TSPAN9: variants seen among roughly 807,000 people sequenced by gnomAD.
The protein encoded by TSPAN9 is tetraspanin 9.
In TSPAN9, 16 loss-of-function variants were observed where a neutral mutation model predicts 31.0. The ratio of observed to expected loss-of-function variants is 0.52; its 90% CI spans 0.35 to 0.78. The LOEUF is 0.78. TSPAN9 is among the 30% of genes least tolerant of loss of function. The probability of loss-of-function intolerance (pLI) is 0.01; values close to 1 mark genes in which losing one functional copy is unlikely to be tolerated. For synonymous variants in TSPAN9, 145 were observed against 121.6 expected, an observed-to-expected ratio of 1.19 and a Z score of -1.27; for missense variants, 272 against 312.5, an observed-to-expected ratio of 0.87 and a Z score of 0.98.
intron 2 of TSPAN9, among the ~76,000 whole-genome samples, chr12:3,105,079 G>A (rs542048157): frequency 6.6e-6 from 1 of 152,328 alleles, no homozygotes; most frequent in South Asian, 2.1e-4. Flanking sequence ...ATGAGGGGAG[G>A]CTGCCTGGGG....
intron 2 of TSPAN9, among the ~76,000 whole-genome samples, chr12:3,153,021 G>A (rs868280989): frequency 1.3e-4 from 20 of 152,252 alleles, no homozygotes; most frequent in Admixed American, 2.0e-4. Flanking sequence ...CAGTGCGAAC[G>A]CTGAGCTTCC....
intron 3 of TSPAN9, among the ~76,000 whole-genome samples, chr12:3,237,632 C>T (rs531975084): frequency 9.2e-5 from 14 of 152,320 alleles, no homozygotes; most frequent in African/African-American, 2.9e-4. Flanking sequence ...CCTGCCCTCC[C>T]GGTTGGGCTG....
rs143713260 is a variant in TSPAN9 at position 3,188,120 on chromosome 12, C to A, written c.-17-13057C>A. Among the ~76,000 whole-genome samples, 16 of 152,204 alleles carry A rather than the reference C, an allele frequency of 1.1e-4. No homozygotes were observed. In the East Asian group the frequency reaches 3.1e-3, roughly 29 times the overall value. ...TGTGGTGTGTGGGGGTGAAAGGTTC[C>A]AAAGACAAGTGCCTCCCACTTGATA... On this transcript the variant is annotated intron_variant, in intron 2 of 8. Transcript: ENST00000011898.
At chr12:3,274,027 C>A (rs756662541) in intron 3 of TSPAN9, among the ~76,000 whole-genome samples, 14 of 151,940 alleles carry the variant, frequency 9.2e-5, no homozygotes, top group Non-Finnish European at 1.6e-4. Flanking sequence ...GGGTGCCTGG[C>A]GTGGGGGGAT....
intron 2 of TSPAN9, chr12:3,150,004 G>A (rs1213166868): frequency 6.6e-6 from 1 of 152,310 alleles, no homozygotes; most frequent in Non-Finnish European, 1.5e-5. Flanking sequence ...GAACGCCCAT[G>A]GCGTGCCAGA....
intron 3 of TSPAN9, among the ~76,000 whole-genome samples, chr12:3,245,199 G>C (rs1022798548): frequency 1.3e-5 from 2 of 152,210 alleles, no homozygotes; most frequent in Admixed American, 6.5e-5. Flanking sequence ...ATCCAAGCGA[G>C]TGAGCAGGTG....
At chr12:3,264,598 C>T (rs1024438520) in intron 3 of TSPAN9, among the ~76,000 whole-genome samples, 4 of 152,166 alleles carry the variant, frequency 2.6e-5, no homozygotes, top group African/African-American at 7.2e-5. Flanking sequence ...CTCTGTGTGC[C>T]GGCTGGGGCC....
intron 3 of TSPAN9, among the ~76,000 whole-genome samples, chr12:3,246,577 C>T (rs61907356): frequency 0.036 from 5,481 of 152,248 alleles, 129 homozygotes; most frequent in Middle Eastern, 0.088. Context: ...CGAGCCCATT[C>T]CTCCCTCAGT....
chr12:3,179,889 C>G (rs2098357794), intron 2 of TSPAN9, among the ~76,000 whole-genome samples: 1 of 152,212 alleles, frequency 6.6e-6, no homozygotes, highest in Admixed American at 6.5e-5. Context: ...CGTCTCTTCT[C>G]ACGGTACACG....
Position 3,187,295 on chromosome 12 carries a change from G to A in TSPAN9, c.-17-13882G>A, listed in dbSNP as rs930841260. The stretch of plus-strand genomic sequence containing the variant: ...GGCAGGGCTTGTCCTTTGGTGTTGT[G>A]ATGTGGGGCGTCTCTGCTTTTCCTA... On this transcript the variant is annotated intron_variant, in intron 2 of 8. Transcript: ENST00000011898. The surrounding 1 kb of genome is among the most constrained non-coding windows in gnomAD (Gnocchi z 5.2). Among the ~76,000 whole-genome samples the A allele has an allele frequency of 6.6e-6, 1 of 152,178 alleles. No individual in the cohort carries two copies. The highest frequency in any genetic ancestry group is 1.5e-5 in the Non-Finnish European group (1 of 68,036).
chr12:3,175,524 G>A (rs1325006208), intron 2 of TSPAN9, among the ~76,000 whole-genome samples: 1 of 152,196 alleles, frequency 6.6e-6, no homozygotes, highest in African/African-American at 2.4e-5. Context: ...CATTTCCTTT[G>A]GTACTTGTAG....
intron 2 of TSPAN9, among the ~76,000 whole-genome samples, chr12:3,112,592 T>G: frequency 6.6e-6 from 1 of 151,754 alleles, no homozygotes; most frequent in East Asian, 1.9e-4. Context: ...TTTCTCTTTT[T>G]ATTTAAAAAA....
At chr12:3,127,483 G>A (rs1307375430) in intron 2 of TSPAN9, among the ~76,000 whole-genome samples, 2 of 151,872 alleles carry the variant, frequency 1.3e-5, no homozygotes, top group East Asian at 1.9e-4. Context: ...AGCCTCCCGA[G>A]CAGCTGGGAC....
chr12:3,201,350 C>T, intron 3 of TSPAN9, 94 bp downstream of exon 3: 1 of 1,228,216 alleles, frequency 8.1e-7, no homozygotes. Flanking sequence ...TGCTGCATTG[C>T]TCTGCTCTCT....
At chr12:3,163,445 C>A (rs958827264) in intron 2 of TSPAN9, among the ~76,000 whole-genome samples, 1 of 152,188 alleles carries the variant, frequency 6.6e-6, no homozygotes, top group Admixed American at 6.5e-5. Flanking sequence ...GGGACCATGG[C>A]TTTCTGTTCT....
In TSPAN9 at chr12:3,285,853, T is replaced by TG. The variant is rs1863005101; in HGVS notation, c.*2742dup. Reference sequence around the variant, plus strand: ...GCCTTTCTCTGCAGCCATCCTGCAGTGGGGGTGAGCGGGCACAGGCTGAGA... The same window carrying TG: ...GCCTTTCTCTGCAGCCATCCTGCAGTGGGGGGTGAGCGGGCACAGGCTGAGA... On this transcript the variant is annotated 3_prime_UTR_variant, in exon 9 of 9. Transcript: ENST00000011898. The TG allele has an allele frequency of 2.6e-5, 4 of 152,290 alleles. No individual in the cohort carries two copies. Among genetic ancestry groups the TG allele is most frequent in the Admixed American group, 2.6e-4 (4 of 15,310 alleles). The allele number at this position is 152,290 out of a possible 1,614,324, so 9.4% of individuals were successfully genotyped here.
In TSPAN9 at chr12:3,283,093, A is replaced by G; in HGVS notation, c.697A>G (p.Thr233Ala). 1 of 1,609,430 alleles carries G rather than the reference A, an allele frequency of 6.2e-7. No individual in the cohort carries two copies. The highest frequency in any genetic ancestry group is 8.5e-7 in the Non-Finnish European group (1 of 1,179,966). ...SMTLFQHIHR[T>A]GKKYDA ...GACCCTCTTCCAGCACATCCACCGG[A>G]CTGGTAAGAAGTACGACGCATGAGC... Residue 233 changes from threonine (T) to alanine (A), a missense_variant, in exon 9 of 9, where the codon ACT becomes GCT. Thr to Ala is a moderately conservative substitution (Grantham distance 58, BLOSUM62 0). Transcript: ENST00000011898.
chr12:3,095,632 A>T (rs868488300), intron 2 of TSPAN9, among the ~76,000 whole-genome samples: 1 of 93,816 alleles, frequency 1.1e-5, no homozygotes, highest in Non-Finnish European at 2.3e-5. Flanking sequence ...CGGAGGGCTG[A>T]CCCCCCCCAC....
Position 3,226,771 on chromosome 12 carries a change from TATATATATATA to T in TSPAN9, c.63+25516_63+25526del, listed in dbSNP as rs2098387849. On this transcript the variant is annotated intron_variant, in intron 3 of 8. Coordinates refer to ENST00000011898, the MANE Select transcript of TSPAN9 (RefSeq NM_006675.5). ...ATATATATATATATATATATATATA[TATATATATATA>T]TATATATATATATTTTTTTTTTTTT... Among the ~76,000 whole-genome samples the T allele has an allele frequency of 9.7e-4, 5 of 5,166 alleles. 1 individual carries two copies. The highest frequency in any genetic ancestry group is 8.7e-3 in the East Asian group (2 of 230). The allele number at this position is 5,166 out of a possible 152,430, so 3.4% of individuals were successfully genotyped here. A position where few individuals can be genotyped will look rare whatever the true frequency, so the allele number is the denominator to read the frequency against.
Sources: gnomAD v4.1 joint callset for allele counts (sites outside exome capture counted in the v4.1 genomes callset) on GRCh38, gnomAD v4.1.1 for gene constraint, Gnocchi (gnomAD v3.1) non-coding constraint, MANE v1.5 for transcripts, NCBI Gene and HGNC (gene_info 2026-07-23, HGNC 2026-07-21) for gene names.